ATP10A: variants seen among roughly 807,000 people sequenced by gnomAD.
The protein encoded by ATP10A is phospholipid-transporting ATPase VA.
ATP10A carries 111 observed loss-of-function variants against 147.8 expected under a neutral mutation model. The ratio of observed to expected loss-of-function variants is 0.75; its 90% confidence interval spans 0.64 to 0.88. ATP10A has a LOEUF of 0.88. ATP10A is among the 40% of genes least tolerant of loss of function. The pLI, the probability that ATP10A is intolerant of heterozygous loss-of-function variation, is 0.00. For missense variants in ATP10A, 1,927 were observed against 1,959.0 expected, an observed-to-expected ratio of 0.98 and a Z score of 0.31; for synonymous variants, 875 against 841.6, an observed-to-expected ratio of 1.04 and a Z score of -0.69.
At chr15:25,687,994 C>A (rs1244646356) in intron 15 of ATP10A, 166 bp from the exon 16 acceptor site, 3 of 834,188 alleles carry the variant, frequency 3.6e-6, no homozygotes, top group Non-Finnish European at 5.9e-6. Context: ...CCCTCAGCAT[C>A]TCCTTCCGTT....
intron 9 of ATP10A, 98 bp from the exon 10 acceptor site, chr15:25,714,339 C>G (rs550681228): frequency 1.1e-4 from 124 of 1,124,840 alleles, no homozygotes; most frequent in Admixed American, 1.5e-4. Context: ...CTTGGAGGAA[C>G]AATGACCTCG....
chr15:25,704,858 G>A (rs1450526066), intron 12 of ATP10A, among the ~76,000 whole-genome samples: 2 of 152,192 alleles, frequency 1.3e-5, no homozygotes, highest in Non-Finnish European at 2.9e-5. Flanking sequence ...CCCTCTGGAA[G>A]GCCTGGCATT....
In ATP10A at chr15:25,679,877, T is replaced by G. The variant is rs1178963187; in HGVS notation, c.3964A>C (p.Lys1322Gln). ...AGGCGTCCCTGAGCAAAGGTCTCTT[T>G]GGGAGCACTGCATCTCCTGGGGGAC... ...RKSPRRCSAP[K>Q]ETFAQGRLPK... Residue 1322 changes from lysine to glutamine, a missense_variant, in exon 21 of 21, where the codon AAA (lysine) becomes CAA (glutamine). Coordinates refer to ENST00000555815, the MANE Select transcript of ATP10A (RefSeq NM_024490.4). 6.2e-7 allele frequency: 1 copy of G among 1,610,396 alleles called. No homozygotes were observed. Among genetic ancestry groups the G allele is most frequent in the East Asian group, 2.2e-5 (1 of 44,870 alleles).
intron 2 of ATP10A, among the ~76,000 whole-genome samples, chr15:25,768,683 A>ATTTTTT (rs143608940): frequency 8.9e-5 from 8 of 89,628 alleles, no homozygotes; most frequent in Admixed American, 1.3e-4. Flanking sequence ...AGCTGGGCTA[A>ATTTTTT]TTTTTTTTTT....
chr15:25,785,400 C>T (rs181330863), intron 1 of ATP10A, among the ~76,000 whole-genome samples: 50 of 152,316 alleles, frequency 3.3e-4, no homozygotes, highest in Middle Eastern at 6.8e-3. Context: ...GCCCACACCT[C>T]GGTGTCTGAC....
chr15:25,675,218 T>C (rs914302592), downstream of ATP10A, among the ~76,000 whole-genome samples: 1 of 152,138 alleles, frequency 6.6e-6, no homozygotes, highest in African/African-American at 2.4e-5. Context: ...GTCGTACACT[T>C]TCCAGCGAAG....
chr15:25,680,845 A>G lies in ATP10A; in HGVS notation c.3643T>C (p.Phe1215Leu), dbSNP rs1316935018. Residue 1215 changes from phenylalanine to leucine, a missense_variant, in exon 19 of 21, where the codon TTC (phenylalanine) becomes CTC (leucine). Physicochemically the swap from Phe to Leu is conservative, Grantham distance 22. Transcript: ENST00000555815. ...GTTTCAATGCCCAGGTGGAGCAGGA[A>G]AGTGAGCAGCGCGATTGTCACAATA... ...TPIVTIALLT[F>L]LLHLGIETKT... is the part of the protein sequence containing the mutation. The G allele has an allele frequency of 6.2e-7, 1 of 1,613,814 alleles. No homozygotes were observed. The highest frequency in any genetic ancestry group is 8.5e-7 in the Non-Finnish European group (1 of 1,180,040).
At chr15:25,810,406 C>A (rs1344641198) in intron 1 of ATP10A, among the ~76,000 whole-genome samples, 2 of 152,202 alleles carry the variant, frequency 1.3e-5, no homozygotes, top group Non-Finnish European at 2.9e-5. Flanking sequence ...AGTTCCAGCC[C>A]AGCCCGAGGT....
chr15:25,673,471 G>T (rs1044469919), downstream of ATP10A, among the ~76,000 whole-genome samples: 1 of 152,198 alleles, frequency 6.6e-6, no homozygotes, highest in African/African-American at 2.4e-5. Flanking sequence ...GCTCTCTTCA[G>T]TTTCAAACTA....
intron 1 of ATP10A, chr15:25,862,264 G>A (rs1893794408): frequency 2.1e-5 from 10 of 483,198 alleles, no homozygotes; most frequent in East Asian, 6.2e-5. Context: ...GTGCCTGGCC[G>A]AAGACTGAGG....
At chr15:25,763,894 C>T (rs1189245786) in intron 2 of ATP10A, among the ~76,000 whole-genome samples, 1 of 152,216 alleles carries the variant, frequency 6.6e-6, no homozygotes, top group African/African-American at 2.4e-5. Flanking sequence ...AAGATAACCT[C>T]TCTGTGTCTT....
In ATP10A at chr15:25,708,024, G is replaced by C; in HGVS notation, c.2527C>G (p.Leu843Val). 1.9e-6 allele frequency: 3 copies of C among 1,614,164 alleles called. No individual in the cohort carries two copies. The highest frequency in any genetic ancestry group is 2.5e-6 in the Non-Finnish European group (3 of 1,180,040). ...AGGCGAATGGCAGACTGGAAGAGGAGCTCCTCGCTGTTTTCCAGGGAGGAT... is the reference window on the plus strand; with the variant it reads ...AGGCGAATGGCAGACTGGAAGAGGACCTCCTCGCTGTTTTCCAGGGAGGAT... ...AESSLENSEE[L>V]LFQSAIRLET... Residue 843 changes from leucine to valine, a missense_variant, in exon 12 of 21, where the codon CTC becomes GTC. By Grantham distance (32) the Leu-to-Val change is conservative. Coordinates refer to ENST00000555815, the MANE Select transcript of ATP10A (RefSeq NM_024490.4).
intron 1 of ATP10A, among the ~76,000 whole-genome samples, chr15:25,824,047 G>A (rs1892003622): frequency 6.6e-6 from 1 of 152,212 alleles, no homozygotes; most frequent in Non-Finnish European, 1.5e-5. Context: ...AATGGGGGCT[G>A]TAGTTTACCA....
intron 8 of ATP10A, among the ~76,000 whole-genome samples, chr15:25,717,419 C>T (rs545097197): frequency 2.0e-5 from 3 of 152,284 alleles, no homozygotes; most frequent in East Asian, 3.9e-4. Flanking sequence ...TTGGCTGAAT[C>T]GCTAAATTGC....
At chr15:25,696,007 C>A (rs1567307546) in intron 13 of ATP10A, among the ~76,000 whole-genome samples, 2 of 151,858 alleles carry the variant, frequency 1.3e-5, no homozygotes, top group African/African-American at 2.4e-5. Context: ...AGGAGGAAAA[C>A]CTACGGTGGT....
intron 4 of ATP10A, among the ~76,000 whole-genome samples, chr15:25,726,878 C>T (rs1342302693): frequency 7.1e-6 from 1 of 141,092 alleles, no homozygotes; most frequent in African/African-American, 2.6e-5. Context: ...GGTGAAATCC[C>T]GTATCTACTA....
At chr15:25,841,661 C>T (rs1454357195) in intron 1 of ATP10A, 2 of 151,634 alleles carry the variant, frequency 1.3e-5, no homozygotes, top group African/African-American at 4.8e-5. Context: ...AACTGACTCA[C>T]TATTATGTTC....
At chr15:25,736,313 T>G (rs1468784440) in intron 2 of ATP10A, among the ~76,000 whole-genome samples, 172 bp from the exon 3 acceptor site, 1 of 152,204 alleles carries the variant, frequency 6.6e-6, no homozygotes, top group East Asian at 1.9e-4. Flanking sequence ...GTATAATAAA[T>G]AACAGTTAAT....
intron 1 of ATP10A, among the ~76,000 whole-genome samples, chr15:25,850,129 C>T (rs1158153652): frequency 6.6e-6 from 1 of 152,130 alleles, no homozygotes; most frequent in Non-Finnish European, 1.5e-5. Flanking sequence ...TGAAACTGTT[C>T]AGTGGAGGTG....
Sources: allele counts gnomAD v4.1 joint callset (sites outside exome capture counted in the v4.1 genomes callset), GRCh38; gene constraint gnomAD v4.1.1; transcripts MANE v1.5; gene names NCBI Gene and HGNC (gene_info 2026-07-23, HGNC 2026-07-21).